FHIT: variants seen among roughly 807,000 people sequenced by gnomAD.
FHIT encodes the protein fragile histidine triad diadenosine triphosphatase.
In FHIT, 19 loss-of-function variants were observed where a neutral mutation model predicts 17.9. The ratio of observed to expected loss-of-function variants is 1.06; its 90% CI spans 0.74 to 1.56. The LOEUF (loss-of-function observed/expected upper bound fraction) is 1.56, where lower values mean the gene tolerates loss of function less well. FHIT is among the 40% of genes most tolerant of loss of function. FHIT has a pLI of 0.00. For synonymous variants in FHIT, 81 were observed against 69.7 expected (o/e 1.16, Z -0.81); for missense variants, 248 against 189.2 (o/e 1.31, Z -1.82).
chr3:60,805,115 G>A (rs1417159101), intron 4 of FHIT, among the ~76,000 whole-genome samples: 1 of 152,168 alleles, frequency 6.6e-6, no homozygotes, highest in Non-Finnish European at 1.5e-5. Context: ...TACTCAATAG[G>A]CAGGATGGGG....
chr3:59,872,722 A>T (rs758211586), intron 8 of FHIT, among the ~76,000 whole-genome samples: 3 of 152,168 alleles, frequency 2.0e-5, no homozygotes, highest in Non-Finnish European at 4.4e-5. Context: ...ATAACCCTTT[A>T]TCCTATAGCT....
At chr3:61,035,578 C>T (rs2033200831) in intron 3 of FHIT, among the ~76,000 whole-genome samples, 1 of 152,250 alleles carries the variant, frequency 6.6e-6, no homozygotes, top group Admixed American at 6.5e-5. Context: ...AGCCTGAGGT[C>T]TAATTCTAGG....
chr3:60,775,921 T>A (rs1288928396), intron 4 of FHIT, among the ~76,000 whole-genome samples: 1 of 152,222 alleles, frequency 6.6e-6, no homozygotes, highest in Non-Finnish European at 1.5e-5. Flanking sequence ...TAAATTTGTC[T>A]CCCTGGTGGA....
intron 4 of FHIT, among the ~76,000 whole-genome samples, chr3:60,701,393 C>T (rs970633142): frequency 6.6e-5 from 10 of 152,020 alleles, no homozygotes; most frequent in East Asian, 5.8e-4. Flanking sequence ...GTATGGGAGA[C>T]GGGAGTTTTA....
chr3:60,884,922 AAAG>A (rs1403762425), intron 3 of FHIT, among the ~76,000 whole-genome samples: 2 of 151,582 alleles, frequency 1.3e-5, no homozygotes, highest in African/African-American at 2.4e-5. Flanking sequence ...AAAAAAAAAA[AAAG>A]AAGAAGAAGA....
chr3:60,777,981 T>TA (rs1307381360), intron 4 of FHIT, among the ~76,000 whole-genome samples: 7 of 152,194 alleles, frequency 4.6e-5, no homozygotes, highest in African/African-American at 1.7e-4. Context: ...TCTTCCCTGG[T>TA]ACATGGCTTT....
chr3:59,981,573 G>T (rs186297111), intron 7 of FHIT, among the ~76,000 whole-genome samples: 127 of 152,166 alleles, frequency 8.3e-4, no homozygotes, highest in African/African-American at 3.0e-3. Context: ...CGAACCTATA[G>T]ATAACATCAC....
At chr3:60,950,813 A>G (rs1708848011) in intron 3 of FHIT, among the ~76,000 whole-genome samples, 1 of 152,008 alleles carries the variant, frequency 6.6e-6, no homozygotes, top group African/African-American at 2.4e-5. Context: ...GTGAGCCACC[A>G]TGCCCGGCCT....
intron 7 of FHIT, among the ~76,000 whole-genome samples, chr3:59,933,351 A>C (rs2107237219): frequency 6.6e-6 from 1 of 152,318 alleles, no homozygotes; most frequent in Admixed American, 6.5e-5. Context: ...ACCATTTTTA[A>C]GTCATTATCA....
chr3:60,390,334 A>G lies in FHIT; in HGVS notation c.103+146526T>C, dbSNP rs184212193. On this transcript the variant is annotated intron_variant, in intron 5 of 9. Transcript: ENST00000492590. ...AACTCTAACAATAGTCATGTACTGT[A>G]TAACATTTCAATAATGACAGATTAC... Among the ~76,000 whole-genome samples the G allele has an allele frequency of 1.6e-4, 24 of 148,818 alleles. No individual in the cohort carries two copies. The East Asian group carries it at 4.8e-3, about 30-fold the overall frequency.
chr3:60,736,902 G>T (rs9311777), intron 4 of FHIT, among the ~76,000 whole-genome samples: 6 of 152,070 alleles, frequency 3.9e-5, no homozygotes, highest in Non-Finnish European at 5.9e-5. Context: ...TTAAAGTGAC[G>T]TTCTTGTTGG....
chr3:60,743,879 T>C (rs577986740), intron 4 of FHIT, among the ~76,000 whole-genome samples: 143 of 152,274 alleles, frequency 9.4e-4, no homozygotes, highest in Non-Finnish European at 1.7e-3. Flanking sequence ...GCTCGCTCTG[T>C]TTGGCTGGAC....
chr3:60,024,307 GTCTT>G (rs1700658559), intron 5 of FHIT, among the ~76,000 whole-genome samples: 1 of 152,116 alleles, frequency 6.6e-6, no homozygotes, highest in South Asian at 2.1e-4. Context: ...ATGAATCAAC[GTCTT>G]TCTCTCTTAA....
At chr3:60,919,072 C>A (rs1037676673) in intron 3 of FHIT, among the ~76,000 whole-genome samples, 1 of 152,018 alleles carries the variant, frequency 6.6e-6, no homozygotes, top group African/African-American at 2.4e-5. Flanking sequence ...GCAGAGTCAA[C>A]CTTTAAAGTA....
At chr3:60,740,955 T>A (rs2042228015) in intron 4 of FHIT, among the ~76,000 whole-genome samples, 1 of 152,226 alleles carries the variant, frequency 6.6e-6, no homozygotes, top group Non-Finnish European at 1.5e-5. Flanking sequence ...AAATGGTTCC[T>A]GGCTCTGTGG....
chr3:59,987,269 A>G (rs1346369305), intron 7 of FHIT, among the ~76,000 whole-genome samples: 1 of 151,356 alleles, frequency 6.6e-6, no homozygotes, highest in Non-Finnish European at 1.5e-5. Flanking sequence ...CATACTAGCT[A>G]TTTCTTGTGA....
chr3:60,459,260 A>C (rs570633336), intron 5 of FHIT, among the ~76,000 whole-genome samples: 1 of 152,216 alleles, frequency 6.6e-6, no homozygotes, highest in African/African-American at 2.4e-5. Flanking sequence ...ATAGTTTACC[A>C]AAGTTTCCAA....
chr3:60,306,822 G>A (rs995484499), intron 5 of FHIT, among the ~76,000 whole-genome samples: 8 of 152,082 alleles, frequency 5.3e-5, no homozygotes, highest in African/African-American at 1.7e-4. Context: ...AAATACACTT[G>A]GTGCTCGTCA....
chr3:60,453,728 G>A (rs908544737), intron 5 of FHIT, among the ~76,000 whole-genome samples: 3 of 152,122 alleles, frequency 2.0e-5, no homozygotes, highest in Admixed American at 6.5e-5. Flanking sequence ...ATGAGATGAC[G>A]ATGCAAATCT....
Sources: allele counts gnomAD v4.1 joint callset (sites outside exome capture counted in the v4.1 genomes callset), GRCh38; gene constraint gnomAD v4.1.1; transcripts MANE v1.5; gene names NCBI Gene and HGNC (gene_info 2026-07-23, HGNC 2026-07-21).